The following DPP6 variants were observed in gnomAD, a reference collection of about 807,000 sequenced individuals.
DPP6 encodes dipeptidyl peptidase like 6, also known as A-type potassium channel modulatory protein DPP6.
DPP6 carries 69 observed loss-of-function variants against 122.6 expected under a neutral mutation model. That is an observed-to-expected ratio of 0.56 (90% CI 0.46 to 0.69). DPP6 has a LOEUF of 0.69. Among genes scored for constraint, DPP6 ranks in the 30% least tolerant of loss-of-function variants. The pLI, the probability that DPP6 is intolerant of heterozygous loss-of-function variation, is 0.00. For synonymous variants in DPP6, 418 were observed against 433.1 expected (o/e 0.97, Z 0.43); for missense variants, 928 against 1,116.9 (o/e 0.83, Z 2.41).
At chr7:153,880,861 C>T in the DPP6 span, among the ~76,000 whole-genome samples, 8 of 152,206 alleles carry the variant, frequency 5.3e-5, no homozygotes, top group South Asian at 8.3e-4. Context: ...TGAGCAAGTG[C>T]GAGATAGAGA....
chr7:153,924,450 G>A (rs535407758), intron 1 of DPP6, among the ~76,000 whole-genome samples: 1 of 152,264 alleles, frequency 6.6e-6, no homozygotes. Context: ...TGATATTGGT[G>A]TTTGATGATG....
chr7:154,456,145 T>C (rs1329373643), intron 2 of DPP6, among the ~76,000 whole-genome samples: 1 of 152,198 alleles, frequency 6.6e-6, no homozygotes, highest in East Asian at 1.9e-4. Flanking sequence ...TTCTGTAAAA[T>C]GAACTAAGCA....
intron 1 of DPP6, among the ~76,000 whole-genome samples, chr7:154,090,880 G>C (rs1182698262): frequency 1.3e-5 from 2 of 149,302 alleles, no homozygotes; most frequent in Non-Finnish European, 3.0e-5. Flanking sequence ...CAGCACTTTG[G>C]GAGGCCGAGG....
At chr7:154,537,175 G>A (rs1300031974) in intron 3 of DPP6, among the ~76,000 whole-genome samples, 1 of 151,978 alleles carries the variant, frequency 6.6e-6, no homozygotes, top group Admixed American at 6.6e-5. Flanking sequence ...TTTCATATGG[G>A]ATGTACAAAA....
chr7:153,851,354 T>C, the DPP6 span, among the ~76,000 whole-genome samples: 17 of 152,356 alleles, frequency 1.1e-4, 1 homozygote, highest in Admixed American at 9.8e-4. Flanking sequence ...TTCAAAATAT[T>C]GCTGTCCTCC....
intron 7 of DPP6, among the ~76,000 whole-genome samples, chr7:154,695,524 C>T (rs1419262396): frequency 1.3e-5 from 2 of 152,090 alleles, no homozygotes. Flanking sequence ...GAAATGATTG[C>T]TATAGTTCAG....
At chr7:154,426,341 C>T (rs1043290801) in intron 1 of DPP6, among the ~76,000 whole-genome samples, 3 of 152,108 alleles carry the variant, frequency 2.0e-5, no homozygotes, top group East Asian at 1.9e-4. Context: ...GGTCTACATT[C>T]GAAAGAACTT....
chr7:154,401,845 T>G (rs887289551), intron 1 of DPP6, among the ~76,000 whole-genome samples: 13 of 152,088 alleles, frequency 8.5e-5, no homozygotes, highest in Admixed American at 2.6e-4. Flanking sequence ...CGCAGCCTAC[T>G]CATCTGACAA....
chr7:153,773,169 C>A, the DPP6 span, among the ~76,000 whole-genome samples: 1 of 148,178 alleles, frequency 6.7e-6, no homozygotes. Context: ...ACAGAACACA[C>A]AAAACCAAAA....
At chr7:154,437,128 A>T (rs78129329) in intron 1 of DPP6, among the ~76,000 whole-genome samples, 1 of 152,142 alleles carries the variant, frequency 6.6e-6, no homozygotes, top group Non-Finnish European at 1.5e-5. Flanking sequence ...GACAAAGGAG[A>T]CTAAGGTTAC....
At chr7:154,374,603 T>G (rs559354543) in intron 1 of DPP6, among the ~76,000 whole-genome samples, 75 of 80,520 alleles carry the variant, frequency 9.3e-4, no homozygotes, top group Middle Eastern at 0.013. Flanking sequence ...TCTTTTTCTG[T>G]TTTTTTTCTT....
the DPP6 span, among the ~76,000 whole-genome samples, chr7:153,811,943 G>T: frequency 6.6e-6 from 1 of 152,126 alleles, no homozygotes; most frequent in Non-Finnish European, 1.5e-5. Context: ...ATGAACTCAA[G>T]TGGCAGTTGA....
Position 154,760,006 on chromosome 7 carries a change from C to A in DPP6, c.884-9411C>A, listed in dbSNP as rs1246267049. Among the ~76,000 whole-genome samples, 1 of 152,126 alleles carries A rather than the reference C, an allele frequency of 6.6e-6. No homozygotes were observed. Among genetic ancestry groups the A allele is most frequent in the East Asian group, 1.9e-4 (1 of 5,196 alleles). The stretch of plus-strand genomic sequence containing the variant: ...GGCATGGTGGTGCACACCTGTAGTC[C>A]CAGCTACTCGGGAGGCCGAGGCAGA... On this transcript the variant is annotated intron_variant, in intron 8 of 25. Transcript: ENST00000377770. The surrounding 1 kb of genome is among the most constrained non-coding windows in gnomAD (Gnocchi z 4.5).
At chr7:153,793,578 A>G in the DPP6 span, among the ~76,000 whole-genome samples, 1 of 151,560 alleles carries the variant, frequency 6.6e-6, no homozygotes, top group Non-Finnish European at 1.5e-5. Flanking sequence ...TAGAAAAGAA[A>G]CACCTATTTT....
intron 1 of DPP6, among the ~76,000 whole-genome samples, chr7:154,027,460 C>G (rs1241915869): frequency 6.6e-6 from 1 of 152,094 alleles, no homozygotes; most frequent in Non-Finnish European, 1.5e-5. Context: ...TCGCTGTGTC[C>G]TCATGTGGTG....
At chr7:154,260,442 C>G (rs546320627) in intron 1 of DPP6, among the ~76,000 whole-genome samples, 66 of 152,024 alleles carry the variant, frequency 4.3e-4, no homozygotes, top group African/African-American at 1.5e-3. Flanking sequence ...TTCCTCACCC[C>G]TTTCCACTCT....
intron 5 of DPP6, among the ~76,000 whole-genome samples, chr7:154,597,222 A>C (rs6597422): frequency 0.59 from 89,052 of 150,720 alleles, 26,796 homozygotes; most frequent in African/African-American, 0.7. Flanking sequence ...GACAGAGGGG[A>C]GACAGAGAGA....
At chr7:154,842,038 G>A (rs1446116881) in intron 16 of DPP6, among the ~76,000 whole-genome samples, 1 of 152,184 alleles carries the variant, frequency 6.6e-6, no homozygotes, top group Non-Finnish European at 1.5e-5. Flanking sequence ...CTAGCTCCCT[G>A]TTTATTAGTA....
chr7:153,923,653 T>C (rs1367555839), intron 1 of DPP6, among the ~76,000 whole-genome samples: 2 of 148,788 alleles, frequency 1.3e-5, no homozygotes, highest in Non-Finnish European at 3.0e-5. Context: ...CCCAGCTACT[T>C]GGGAGGCTGA....
Sources: allele counts gnomAD v4.1 joint callset (sites outside exome capture counted in the v4.1 genomes callset), GRCh38; gene constraint gnomAD v4.1.1; non-coding constraint Gnocchi (gnomAD v3.1); transcripts MANE v1.5; gene names NCBI Gene and HGNC (gene_info 2026-07-23, HGNC 2026-07-21).